Variants in PTPRA observed in about 807,000 individuals in gnomAD.
PTPRA encodes the protein protein tyrosine phosphatase receptor type A.
In PTPRA, 25 loss-of-function variants were observed where a neutral mutation model predicts 104.8. The ratio of observed to expected loss-of-function variants is 0.24; its 90% confidence interval spans 0.17 to 0.33. The LOEUF (loss-of-function observed/expected upper bound fraction) is 0.33, where lower values mean the gene tolerates loss of function less well. Ranked by LOEUF, PTPRA falls within the 10% of genes least tolerant of loss-of-function variation. The pLI is 1.00. For synonymous variants in PTPRA, 323 were observed against 368.9 expected (o/e 0.88, Z 1.43); for missense variants, 765 against 1,015.3 (o/e 0.75, Z 3.35).
chr20:2,958,369 A>G (rs1396619472), intron 3 of PTPRA, among the ~76,000 whole-genome samples: 2 of 152,112 alleles, frequency 1.3e-5, no homozygotes, highest in Non-Finnish European at 2.9e-5. Context: ...AAGGAAGTCA[A>G]GGAACTGAGA....
At chr20:2,899,553 T>C (rs979897604) in intron 1 of PTPRA, among the ~76,000 whole-genome samples, 4 of 152,294 alleles carry the variant, frequency 2.6e-5, no homozygotes, top group South Asian at 2.1e-4. Context: ...GTTTGTAATA[T>C]GATTTTTGTG....
chr20:2,997,718 A>G (rs1437332202), intron 9 of PTPRA, among the ~76,000 whole-genome samples: 2 of 152,272 alleles, frequency 1.3e-5, no homozygotes, highest in Non-Finnish European at 2.9e-5. Context: ...CTTTCTAGGA[A>G]TCATTGAATT....
chr20:2,988,295 G>T, intron 8 of PTPRA, 43 bp from the exon 9 acceptor site: 1 of 1,568,752 alleles, frequency 6.4e-7, no homozygotes, highest in Non-Finnish European at 8.6e-7. Flanking sequence ...GAGGGGCTAG[G>T]TTCTCAGGGT....
intron 1 of PTPRA, among the ~76,000 whole-genome samples, chr20:2,888,700 T>C (rs1432397548): frequency 6.6e-6 from 1 of 152,162 alleles, no homozygotes; most frequent in African/African-American, 2.4e-5. Flanking sequence ...AAAAGGTAGT[T>C]TTCTCTCCCC....
At chr20:2,948,934 A>G (rs942526258) in intron 3 of PTPRA, among the ~76,000 whole-genome samples, 1 of 152,150 alleles carries the variant, frequency 6.6e-6, no homozygotes, top group East Asian at 1.9e-4. Flanking sequence ...CCTGGGTGAC[A>G]GAGCGAGACT....
At chr20:2,914,601 A>G (rs949805374) in intron 1 of PTPRA, among the ~76,000 whole-genome samples, 1 of 151,840 alleles carries the variant, frequency 6.6e-6, no homozygotes, top group African/African-American at 2.4e-5. Context: ...TTTTCTTAAT[A>G]TATTACTATT....
At chr20:2,910,058 CAT>C (rs1368367003) in intron 1 of PTPRA, among the ~76,000 whole-genome samples, 11 of 106,070 alleles carry the variant, frequency 1.0e-4, no homozygotes, top group East Asian at 7.2e-4. Flanking sequence ...TATATCATAT[CAT>C]ATATAATATA....
chr20:2,911,188 C>G (rs1319910228), intron 1 of PTPRA, among the ~76,000 whole-genome samples: 1 of 152,006 alleles, frequency 6.6e-6, no homozygotes, highest in Non-Finnish European at 1.5e-5. Flanking sequence ...AATAGTTCTG[C>G]TTTTGGTAGG....
chr20:2,901,531 AAT>A (rs1475352268), intron 1 of PTPRA, among the ~76,000 whole-genome samples: 1 of 152,184 alleles, frequency 6.6e-6, no homozygotes, highest in Non-Finnish European at 1.5e-5. Context: ...GATTGTATTT[AAT>A]ATATGTTGTT....
chr20:3,011,633 G>A (rs1283632271), intron 11 of PTPRA, among the ~76,000 whole-genome samples: 1 of 152,194 alleles, frequency 6.6e-6, no homozygotes, highest in Non-Finnish European at 1.5e-5. Context: ...TAGGTTATAA[G>A]GTATAAGATG....
intron 2 of PTPRA, among the ~76,000 whole-genome samples, chr20:2,938,235 A>G (rs1477175759): frequency 6.6e-6 from 1 of 152,044 alleles, no homozygotes; most frequent in Non-Finnish European, 1.5e-5. Flanking sequence ...CCCAGGCTGG[A>G]GGGCAGTGGC....
intron 6 of PTPRA, among the ~76,000 whole-genome samples, chr20:2,979,702 T>G (rs929784715): frequency 6.6e-6 from 1 of 151,132 alleles, no homozygotes; most frequent in East Asian, 1.9e-4. Context: ...AATCAGGTGT[T>G]TGTTTGTTTG....
chr20:3,013,657 C>T (rs1351976088), intron 11 of PTPRA, among the ~76,000 whole-genome samples: 3 of 151,992 alleles, frequency 2.0e-5, no homozygotes, highest in Non-Finnish European at 2.9e-5. Flanking sequence ...GTGATCTGCC[C>T]ACCTCGGCCT....
chr20:2,924,461 TAGAA>T (rs1387765141), intron 2 of PTPRA, among the ~76,000 whole-genome samples: 4 of 151,954 alleles, frequency 2.6e-5, no homozygotes, highest in Admixed American at 6.6e-5. Context: ...TATTCAGTAA[TAGAA>T]AGGAACAAAC....
At chr20:3,020,373 T>C (rs1163225195) in intron 13 of PTPRA, among the ~76,000 whole-genome samples, 4 of 151,982 alleles carry the variant, frequency 2.6e-5, no homozygotes, top group South Asian at 4.2e-4. Flanking sequence ...GCTGGGATTA[T>C]AGGCGTGAGC....
intron 6 of PTPRA, among the ~76,000 whole-genome samples, chr20:2,979,833 C>T (rs146215005): frequency 6.6e-5 from 10 of 152,298 alleles, no homozygotes; most frequent in East Asian, 3.9e-4. Context: ...CATGAGCCAC[C>T]GTGCCCGGCC....
intron 9 of PTPRA, among the ~76,000 whole-genome samples, chr20:2,989,058 T>G (rs1001539269): frequency 2.0e-5 from 3 of 152,194 alleles, no homozygotes; most frequent in Non-Finnish European, 4.4e-5. Flanking sequence ...TAGATTCACA[T>G]TTTTTATAAT....
Position 2,988,133 on chromosome 20 carries a change from AC to A in PTPRA, c.601+30del, listed in dbSNP as rs775796430. ...AAGGCATTCCTTAATGTCATGGGGA[AC>A]CTTCACAAGGAAGGAAATCAAGAAA... On this transcript the variant is annotated intron_variant, in intron 8 of 23. Coordinates refer to ENST00000399903, the MANE Select transcript of PTPRA (RefSeq NM_001385305.1). 1.3e-5 allele frequency: 20 copies of A among 1,546,212 alleles called. No homozygotes were observed. The Admixed American group carries it at 3.3e-4, about 26-fold the overall frequency.
intron 2 of PTPRA, among the ~76,000 whole-genome samples, chr20:2,929,735 G>C (rs1705580845): frequency 1.3e-5 from 2 of 152,092 alleles, no homozygotes. Flanking sequence ...TGAAGTGGGA[G>C]GATTGCTTGA....
Sources: allele counts gnomAD v4.1 joint callset (sites outside exome capture counted in the v4.1 genomes callset), GRCh38; gene constraint gnomAD v4.1.1; transcripts MANE v1.5; gene names NCBI Gene and HGNC (gene_info 2026-07-23, HGNC 2026-07-21).